Variants in EPPK1 observed in about 807,000 individuals in gnomAD.
EPPK1 encodes the protein epiplakin 1.
For synonymous variants in EPPK1, 1,862 were observed against 1,721.2 expected (o/e 1.08, Z -2.03); for missense variants, 3,823 against 3,673.3 (o/e 1.04, Z -1.05).
rs1554660615 is a variant in EPPK1 at position 143,870,081 on chromosome 8, A to G, written c.3173T>C (p.Leu1058Pro). ...ACGCTGAATGGCCACTGGCATGGGG[A>G]GGTGGTGGTGGCTGGTGGGGTCAAT... ...GIIDPTSHHH[L>P]PMPVAIQRGY... Residue 1058 changes from leucine (L) to proline (P), a missense_variant, in exon 2 of 2, where the codon CTC (leucine) becomes CCC (proline). Coordinates refer to ENST00000615648, the MANE Select transcript of EPPK1 (RefSeq NM_031308.4). This position sits in a 1 kb window ranked among gnomAD's most constrained non-coding sequence, Gnocchi z 5.2. 1 of 1,610,122 alleles carries G rather than the reference A, an allele frequency of 6.2e-7. No individual in the cohort carries two copies. The highest frequency in any genetic ancestry group is 1.3e-5 in the African/African-American group (1 of 74,812).
Position 143,872,406 on chromosome 8 carries a change from C to A in EPPK1, c.848G>T (p.Gly283Val), listed in dbSNP as rs1819384810. ...ARAEVRRYLE[G>V]TGSVAGVVLL... ...GACAACCCCGGCCACGCTGCCGGTACCCTCCAGGTAGCGCCGCACCTCGGC... is the reference window on the plus strand; with the variant it reads ...GACAACCCCGGCCACGCTGCCGGTAACCTCCAGGTAGCGCCGCACCTCGGC... The change falls in exon 2 of 2, where the codon GGT (glycine) becomes GTT (valine). Residue 283 changes from glycine (G) to valine (V), a missense_variant. Coordinates refer to ENST00000615648, the MANE Select transcript of EPPK1 (RefSeq NM_031308.4). The A allele has an allele frequency of 6.2e-7, 1 of 1,602,400 alleles. No homozygotes were observed. Among genetic ancestry groups the A allele is most frequent in the African/African-American group, 1.3e-5 (1 of 74,922 alleles).
In EPPK1 at chr8:143,859,352, C is replaced by T. The variant is rs1818992585; in HGVS notation, c.13902G>A (p.Gln4634=). The change falls in exon 2 of 2, where the codon CAG becomes CAA. Residue 4634 remains glutamine, a synonymous_variant. Coordinates refer to ENST00000615648, the MANE Select transcript of EPPK1 (RefSeq NM_031308.4). ...LTSLLAQAQA[Q]ARAEAEAEAG... ...CCTCGGCCTCGGCCTCGGCCCGGGC[C>T]TGGGCCTGGGCCTGGGCCAGCAGCG... 1 of 281,828 alleles carries T rather than the reference C, an allele frequency of 3.5e-6. No homozygotes were observed. The highest frequency in any genetic ancestry group is 3.5e-5 in the African/African-American group (1 of 28,906). The allele number at this position is 281,828 out of a possible 1,614,324, so 17.5% of individuals were successfully genotyped here.
Position 143,869,059 on chromosome 8 carries a change from C to T in EPPK1, c.4195G>A (p.Asp1399Asn). The T allele has an allele frequency of 1.2e-6, 2 of 1,609,116 alleles. No individual in the cohort carries two copies. The highest frequency in any genetic ancestry group is 2.2e-5 in the South Asian group (2 of 91,074). The change falls in exon 2 of 2, where the codon GAC (aspartate) becomes AAC (asparagine). Residue 1399 changes from aspartate to asparagine, a missense_variant. Physicochemically the swap from Asp to Asn is conservative, Grantham distance 23. Coordinates refer to ENST00000615648, the MANE Select transcript of EPPK1 (RefSeq NM_031308.4). ...TSQVLTAVDK[D>N]NKFFFDPSAR... ...CTGGGGTCAAAGAAGAACTTGTTGT[C>T]CTTGTCAACTGCAGTCAGCACCTGG...
rs146777869 is a variant in EPPK1 at position 143,868,160 on chromosome 8, G to T, written c.5094C>A (p.Arg1698=). 1.2e-6 allele frequency: 2 copies of T among 1,613,138 alleles called. No individual in the cohort carries two copies. Among genetic ancestry groups the T allele is most frequent in the Non-Finnish European group, 1.7e-6 (2 of 1,180,014 alleles). The change falls in exon 2 of 2, where the codon CGC becomes CGA. Residue 1698 remains arginine (R), a synonymous_variant. Transcript: ENST00000615648. The part of the protein sequence containing the change: ...GGIIDPVHSH[R]VPVDVAYRCG... ...AGCGGTAGGCCACGTCCACGGGCAC[G>T]CGGTGGCTGTGCACGGGGTCGATGA...
rs35186960 is a variant in EPPK1, at chr8:143,857,896, CAAAAAAAAA to C, written c.*82_*90del. ...GTAAAACAACAAAATTAAAGAATGA[CAAAAAAAAA>C]AAAAAAAAAAAAAACAACCCAGACA... On this transcript the variant is annotated 3_prime_UTR_variant, in exon 2 of 2. Coordinates refer to ENST00000615648, the MANE Select transcript of EPPK1 (RefSeq NM_031308.4). 41 of 437,904 alleles carry C rather than the reference CAAAAAAAAA, an allele frequency of 9.4e-5. No homozygotes were observed. The African/African-American group carries it at 1.1e-3, about 12-fold the overall frequency. 27.1% of individuals were successfully genotyped at this position (437,904 alleles called of 1,614,324 possible).
At chr8:143,876,088 A>G (rs1360572999) in intron 1 of EPPK1, among the ~76,000 whole-genome samples, 1 of 152,236 alleles carries the variant, frequency 6.6e-6, no homozygotes, top group African/African-American at 2.4e-5. Flanking sequence ...GCCAAAGGCT[A>G]TGCTGCTCCC....
rs1554661436 is a variant in EPPK1 at position 143,872,099 on chromosome 8, T to C, written c.1155A>G (p.Leu385=). The change falls in exon 2 of 2, where the codon CTA becomes CTG. Residue 385 remains leucine, a synonymous_variant. Coordinates refer to ENST00000615648, the MANE Select transcript of EPPK1 (RefSeq NM_031308.4). Reference sequence around the variant, plus strand: ...GCCGCAGTGCCAGTGGCCTGTCCACTAGCCCCTTCTTCATGGCCTGGAAAA... The same window carrying C: ...GCCGCAGTGCCAGTGGCCTGTCCACCAGCCCCTTCTTCATGGCCTGGAAAA... ...IPLFQAMKKG[L]VDRPLALRLL... The C allele has an allele frequency of 6.4e-7, 1 of 1,559,184 alleles. No individual in the cohort carries two copies. The highest frequency in any genetic ancestry group is 8.7e-7 in the Non-Finnish European group (1 of 1,152,468).
chr8:143,867,213 C>A lies in EPPK1; in HGVS notation c.6041G>T (p.Gly2014Val). The A allele has an allele frequency of 1.2e-6, 2 of 1,612,770 alleles. No individual in the cohort carries two copies. The highest frequency in any genetic ancestry group is 2.2e-5 in the South Asian group (2 of 91,080). Residue 2014 changes from glycine (G) to valine (V), a missense_variant, in exon 2 of 2, where the codon GGG becomes GTG. Physicochemically the swap from Gly to Val is moderately radical, Grantham distance 109 (BLOSUM62 -3). Coordinates refer to ENST00000615648, the MANE Select transcript of EPPK1 (RefSeq NM_031308.4). ...GTGGTGCTGTGGGTCGATGACACCC[C>A]CCGTGGCCACCTGCACCTCCAGCAG... Reference protein sequence around the residue: ...LRLLEVQVATGGVIDPQHHHR... With the variant: ...LRLLEVQVATVGVIDPQHHHR...
At chr8:143,876,139 T>C (rs1031341175) in intron 1 of EPPK1, among the ~76,000 whole-genome samples, 3 of 152,094 alleles carry the variant, frequency 2.0e-5, no homozygotes, top group African/African-American at 7.2e-5. Flanking sequence ...AGGAGGAGGC[T>C]CCCATCTGGC....
chr8:143,872,999 C>T lies in EPPK1; in HGVS notation c.255G>A (p.Val85=). 6.3e-7 allele frequency: 1 copy of T among 1,580,282 alleles called. No homozygotes were observed. The highest frequency in any genetic ancestry group is 8.6e-7 in the Non-Finnish European group (1 of 1,162,298). The change falls in exon 2 of 2, where the codon GTG becomes GTA. Residue 85 remains valine, a synonymous_variant. Coordinates refer to ENST00000615648, the MANE Select transcript of EPPK1 (RefSeq NM_031308.4). ...LEAQAATGGL[V]DLARGQLLPV... ...GGAGCAGCTGGCCCCGGGCGAGGTC[C>T]ACCAGGCCCCCAGTGGCTGCCTGGG...
rs1554659803 is a variant in EPPK1 at position 143,868,189 on chromosome 8, C to T, written c.5065G>A (p.Gly1689Ser). The change falls in exon 2 of 2, where the codon GGC becomes AGC. Residue 1689 changes from glycine to serine, a missense_variant. Transcript: ENST00000615648. ...TGGCTGTGCACGGGGTCGATGATGC[C>T]GCCCGTGGCGATCTGGGCCTCCAGC... Reference protein sequence around the residue: ...RLLEAQIATGGIIDPVHSHRV... With the variant: ...RLLEAQIATGSIIDPVHSHRV... The T allele has an allele frequency of 1.2e-5, 20 of 1,612,796 alleles. No homozygotes were observed. The highest frequency in any genetic ancestry group is 8.3e-5 in the Admixed American group (5 of 59,978).
Position 143,867,140 on chromosome 8 carries a change from C to T in EPPK1, c.6114G>A (p.Lys2038=), listed in dbSNP as rs781835809. ...ETAYRRGCLH[K]DIYALISDQK... Reference sequence around the variant, plus strand: ...GGTCGGAAATGAGCGCATAGATGTCCTTGTGCAGACAGCCCCGTCTGTAGG... The same window carrying T: ...GGTCGGAAATGAGCGCATAGATGTCTTTGTGCAGACAGCCCCGTCTGTAGG... Residue 2038 remains lysine, a synonymous_variant, in exon 2 of 2, where the codon AAG becomes AAA. Transcript: ENST00000615648. 1.9e-5 allele frequency: 30 copies of T among 1,612,638 alleles called. No individual in the cohort carries two copies. Among genetic ancestry groups the T allele is most frequent in the Non-Finnish European group, 2.5e-5 (29 of 1,179,706 alleles).
In EPPK1 at chr8:143,872,372, G is replaced by A. The variant is rs551340130; in HGVS notation, c.882C>T (p.Pro294=). ...TGSVAGVVLL[P]EGHKKSFFQA... ...GGAAAAAGCTCTTCTTGTGGCCTTCGGGCAGCAGGACAACCCCGGCCACGC... is the reference window on the plus strand; with the variant it reads ...GGAAAAAGCTCTTCTTGTGGCCTTCAGGCAGCAGGACAACCCCGGCCACGC... Residue 294 remains proline (P), a synonymous_variant, in exon 2 of 2, where the codon CCC becomes CCT. Coordinates refer to ENST00000615648, the MANE Select transcript of EPPK1 (RefSeq NM_031308.4). 117 of 1,604,640 alleles carry A rather than the reference G, an allele frequency of 7.3e-5. No individual in the cohort carries two copies. Among genetic ancestry groups the A allele is most frequent in the African/African-American group, 1.1e-4 (8 of 75,022 alleles).
At position 143,871,543 on chromosome 8, in the gene EPPK1, C is replaced by T. The variant is rs1303535874; in HGVS notation, c.1711G>A (p.Glu571Lys). The T allele has an allele frequency of 6.2e-7, 1 of 1,610,154 alleles. No homozygotes were observed. The highest frequency in any genetic ancestry group is 1.7e-5 in the Admixed American group (1 of 59,702). Reference protein sequence around the residue: ...SGLRDTVTPGELLKAEIIDQD... With the variant: ...SGLRDTVTPGKLLKAEIIDQD... Reference sequence around the variant, plus strand: ...TCGATGATCTCGGCTTTCAGCAGCTCTCCTGGTGTCACGGTGTCCCTCAGC... The same window carrying T: ...TCGATGATCTCGGCTTTCAGCAGCTTTCCTGGTGTCACGGTGTCCCTCAGC... The change falls in exon 2 of 2, where the codon GAG becomes AAG. Residue 571 changes from glutamate to lysine, a missense_variant. Coordinates refer to ENST00000615648, the MANE Select transcript of EPPK1 (RefSeq NM_031308.4).
Position 143,868,214 on chromosome 8 carries a change from C to T in EPPK1, c.5040G>A (p.Leu1680=). Residue 1680 remains leucine, a synonymous_variant, in exon 2 of 2, where the codon CTG becomes CTA. Coordinates refer to ENST00000615648, the MANE Select transcript of EPPK1 (RefSeq NM_031308.4). ...CGCCCGTGGCGATCTGGGCCTCCAG[C>T]AGGCGGATGCCGTGCTCCCGGACGA... ...DLIVREHGIR[L]LEAQIATGGI... is the part of the protein sequence containing the mutation. 6.2e-7 allele frequency: 1 copy of T among 1,613,184 alleles called. No individual in the cohort carries two copies. The highest frequency in any genetic ancestry group is 8.5e-7 in the Non-Finnish European group (1 of 1,180,038).
chr8:143,867,853 ACAGCAGGTCCCAGAAAGAGAC>A lies in EPPK1; in HGVS notation c.5380_5400del (p.Val1794_Leu1800del). On this transcript the variant is annotated inframe_deletion, in exon 2 of 2. Coordinates refer to ENST00000615648, the MANE Select transcript of EPPK1 (RefSeq NM_031308.4). Reference sequence around the variant, plus strand: ...CTGTCCTCTGTGAAGTATGGAGAGGACAGCAGGTCCCAGAAAGAGACCACCTGGTCAGCAAACCTCCCCACG... The same window carrying A: ...CTGTCCTCTGTGAAGTATGGAGAGGACACCTGGTCAGCAAACCTCCCCACG... The A allele has an allele frequency of 1.2e-6, 2 of 1,613,222 alleles. No homozygotes were observed. Among genetic ancestry groups the A allele is most frequent in the Non-Finnish European group, 1.7e-6 (2 of 1,179,638 alleles).
rs782690206 is a variant in EPPK1 at position 143,868,140 on chromosome 8, T to C, written c.5114A>G (p.Tyr1705Cys). ...HSHRVPVDVA[Y>C]RCGYFDEEMN... is the part of the protein sequence containing the mutation. ...CTCCTCGTCGAAGTAGCCGCAGCGGTAGGCCACGTCCACGGGCACGCGGTG... is the reference window on the plus strand; with the variant it reads ...CTCCTCGTCGAAGTAGCCGCAGCGGCAGGCCACGTCCACGGGCACGCGGTG... Residue 1705 changes from tyrosine (Y) to cysteine (C), a missense_variant, in exon 2 of 2, where the codon TAC becomes TGC. By Grantham distance (194) the Tyr-to-Cys change is radical. Transcript: ENST00000615648. The C allele has an allele frequency of 3.7e-6, 6 of 1,613,132 alleles. No homozygotes were observed. Among genetic ancestry groups the C allele is most frequent in the African/African-American group, 2.7e-5 (2 of 74,930 alleles).
chr8:143,874,255 G>A (rs1221897866), intron 1 of EPPK1, among the ~76,000 whole-genome samples: 5 of 152,156 alleles, frequency 3.3e-5, no homozygotes, highest in East Asian at 1.9e-4. Context: ...ACTCCTGCAC[G>A]TCAACTGCCT....
Position 143,869,282 on chromosome 8 carries a change from C to T in EPPK1, c.3972G>A (p.Ala1324=), listed in dbSNP as rs556304617. The change falls in exon 2 of 2, where the codon GCG becomes GCA. Residue 1324 remains alanine, a synonymous_variant. Coordinates refer to ENST00000615648, the MANE Select transcript of EPPK1 (RefSeq NM_031308.4). ...SEQLGQAERA[A]AGYPDPYSRA... is the part of the protein sequence containing the mutation. ...TAGAGTAGGGATCTGGGTACCCGGCCGCCGCCCTCTCGGCCTGCCCGAGCT... is the reference window on the plus strand; with the variant it reads ...TAGAGTAGGGATCTGGGTACCCGGCTGCCGCCCTCTCGGCCTGCCCGAGCT... The T allele has an allele frequency of 6.2e-6, 10 of 1,605,136 alleles. No individual in the cohort carries two copies. The highest frequency in any genetic ancestry group is 3.3e-4 in the Middle Eastern group (2 of 6,020).
Sources: allele counts gnomAD v4.1 joint callset (sites outside exome capture counted in the v4.1 genomes callset), GRCh38; gene constraint gnomAD v4.1.1; non-coding constraint Gnocchi (gnomAD v3.1); transcripts MANE v1.5; gene names NCBI Gene and HGNC (gene_info 2026-07-23, HGNC 2026-07-21).